The following CELF2 variants were observed in gnomAD, a reference collection of about 807,000 sequenced individuals.
CELF2 encodes CUG triplet repeat RNA-binding protein 2.
Under a neutral mutation model 62.6 loss-of-function variants are expected in CELF2, and 8 were observed. The ratio of observed to expected loss-of-function variants is 0.13; its 90% CI spans 0.07 to 0.23. The LOEUF (loss-of-function observed/expected upper bound fraction) is 0.23, where lower values mean the gene tolerates loss of function less well. Ranked by LOEUF, CELF2 falls within the 10% of genes least tolerant of loss-of-function variation. The pLI is 1.00. For missense variants in CELF2, 333 were observed against 671.0 expected, an observed-to-expected ratio of 0.50 and a Z score of 5.56; for synonymous variants, 258 against 250.0, an observed-to-expected ratio of 1.03 and a Z score of -0.30.
chr10:10,579,513 C>T, the CELF2 span, among the ~76,000 whole-genome samples: 1 of 152,000 alleles, frequency 6.6e-6, no homozygotes, highest in Admixed American at 6.6e-5. Flanking sequence ...TGACCTTAGA[C>T]CCCCGGGCTG....
chr10:11,211,807 AGAGAGAGTGTGTGTGTGTGTGTGTGT>A lies in CELF2; in HGVS notation c.272-5616_272-5591del, dbSNP rs1475521190. On this transcript the variant is annotated intron_variant, in intron 2 of 12. Coordinates refer to ENST00000633077, the MANE Select transcript of CELF2 (RefSeq NM_001326342.2). The surrounding 1 kb of genome is among the most constrained non-coding windows in gnomAD (Gnocchi z 4.8). ...GTATGTGTGTGAGAGAGAGAGAGAG[AGAGAGAGTGTGTGTGTGTGTGTGTGT>A]GTGTGTGTGTGTGTGTGTGTGTAAC... is the stretch of plus-strand genomic sequence containing the variant. 5.5e-3 allele frequency among the ~76,000 whole-genome samples: 662 copies of A among 120,744 alleles called. 8 individuals are homozygous for A. The highest frequency in any genetic ancestry group is 0.023 in the African/African-American group (644 of 28,158). 79.2% of individuals were successfully genotyped at this position (120,744 alleles called of 152,430 possible).
At position 11,181,867 on chromosome 10, in the gene CELF2, C is replaced by T. The variant is rs2073499601; in HGVS notation, c.271+16185C>T. Among the ~76,000 whole-genome samples, 3 of 152,184 alleles carry T rather than the reference C, an allele frequency of 2.0e-5. No individual in the cohort carries two copies. The South Asian group carries it at 6.2e-4, about 32-fold the overall frequency. On this transcript the variant is annotated intron_variant, in intron 2 of 12. Coordinates refer to ENST00000633077, the MANE Select transcript of CELF2 (RefSeq NM_001326342.2). ...AGATAAAGGGACATTATTTTCCCAC[C>T]AGCCTGTATCCTGCCTTGTTCTTCT...
the CELF2 span, among the ~76,000 whole-genome samples, chr10:10,708,472 C>A: frequency 6.6e-6 from 1 of 152,116 alleles, no homozygotes; most frequent in Admixed American, 6.5e-5. Flanking sequence ...AAGCAAAAAA[C>A]CAGCTTGGCA....
rs1002890146 is a variant in CELF2 at position 11,012,736 on chromosome 10, G to A, written c.53+7296G>A. ...CGTCGGGGTGGGGGCAGTGAGGGGT[G>A]GACTGGGAAGGAATGAAAACCTCAT... On this transcript the variant is annotated intron_variant, in intron 1 of 12. Transcript: ENST00000416382. The surrounding 1 kb of genome is among the most constrained non-coding windows in gnomAD (Gnocchi z 5.5). 6.6e-6 allele frequency among the ~76,000 whole-genome samples: 1 copy of A among 152,142 alleles called. No homozygotes were observed. Among genetic ancestry groups the A allele is most frequent in the African/African-American group, 2.4e-5 (1 of 41,420 alleles).
the CELF2 span, among the ~76,000 whole-genome samples, chr10:10,751,823 G>A: frequency 9.2e-5 from 14 of 152,110 alleles, no homozygotes; most frequent in Non-Finnish European, 1.8e-4. Flanking sequence ...TCCAATTTGC[G>A]AATGGAAATT....
At chr10:10,620,147 G>A in the CELF2 span, among the ~76,000 whole-genome samples, 6 of 152,318 alleles carry the variant, frequency 3.9e-5, no homozygotes, top group East Asian at 1.9e-4. Context: ...CCCACAGGCC[G>A]AATTTGGCCC....
chr10:10,646,454 C>A, the CELF2 span, among the ~76,000 whole-genome samples: 1 of 152,196 alleles, frequency 6.6e-6, no homozygotes, highest in Non-Finnish European at 1.5e-5. Context: ...GTTTTTTGCA[C>A]GTCGTTTCTC....
At chr10:11,301,128 T>C (rs1418800677) in intron 9 of CELF2, among the ~76,000 whole-genome samples, 3 of 152,186 alleles carry the variant, frequency 2.0e-5, no homozygotes, top group African/African-American at 7.2e-5. Context: ...AGGGGAAAAT[T>C]CATATGGGAA....
chr10:11,104,428 C>T (rs1365803720), intron 1 of CELF2, among the ~76,000 whole-genome samples: 4 of 152,206 alleles, frequency 2.6e-5, no homozygotes, highest in Non-Finnish European at 4.4e-5. Context: ...CAGTGGCTTA[C>T]ACCTGTGATC....
chr10:10,604,690 A>G, the CELF2 span, among the ~76,000 whole-genome samples: 1 of 148,684 alleles, frequency 6.7e-6, no homozygotes, highest in East Asian at 1.9e-4. Flanking sequence ...TCTCAATCAG[A>G]TAATGGGAAA....
the CELF2 span, among the ~76,000 whole-genome samples, chr10:10,504,366 A>G: frequency 5.9e-5 from 9 of 152,102 alleles, no homozygotes; most frequent in Non-Finnish European, 1.3e-4. Context: ...AGTTGTTTTC[A>G]GTATCTGAAA....
intron 3 of CELF2, among the ~76,000 whole-genome samples, chr10:11,236,048 A>G (rs949962702): frequency 3.3e-5 from 5 of 152,162 alleles, no homozygotes; most frequent in African/African-American, 1.2e-4. Flanking sequence ...TACATTTTTT[A>G]TGAGAGGTTG....
At chr10:10,618,113 G>C in the CELF2 span, among the ~76,000 whole-genome samples, 1 of 151,950 alleles carries the variant, frequency 6.6e-6, no homozygotes, top group East Asian at 1.9e-4. Context: ...CTGGATTGCC[G>C]ACACAGACAG....
chr10:11,049,383 G>T (rs761784452), intron 1 of CELF2, among the ~76,000 whole-genome samples: 29 of 151,694 alleles, frequency 1.9e-4, no homozygotes, highest in Non-Finnish European at 3.7e-4. Flanking sequence ...GTATTCTAAT[G>T]TCAACAGGAT....
At chr10:10,577,628 C>A in the CELF2 span, among the ~76,000 whole-genome samples, 1 of 150,964 alleles carries the variant, frequency 6.6e-6, no homozygotes, top group Non-Finnish European at 1.5e-5. Context: ...TTTGTCCTTG[C>A]GATAGTTTGC....
At chr10:10,786,257 C>T in the CELF2 span, among the ~76,000 whole-genome samples, 4 of 152,100 alleles carry the variant, frequency 2.6e-5, no homozygotes, top group African/African-American at 4.8e-5. Context: ...CATGCCTCAT[C>T]GTGCTTCTGT....
chr10:10,526,201 C>A, the CELF2 span, among the ~76,000 whole-genome samples: 1 of 152,184 alleles, frequency 6.6e-6, no homozygotes. Context: ...AGTATCTATG[C>A]TTTTCTGCTC....
At chr10:10,572,583 C>T in the CELF2 span, among the ~76,000 whole-genome samples, 1 of 151,928 alleles carries the variant, frequency 6.6e-6, no homozygotes, top group African/African-American at 2.4e-5. Context: ...GTTCAGCTCC[C>T]ACTTATAAGT....
chr10:10,696,268 G>C, the CELF2 span, among the ~76,000 whole-genome samples: 1 of 151,944 alleles, frequency 6.6e-6, no homozygotes, highest in Non-Finnish European at 1.5e-5. Flanking sequence ...TGCCGTGTGA[G>C]GTGTCAGTGT....
Sources: allele counts gnomAD v4.1 joint callset (sites outside exome capture counted in the v4.1 genomes callset), GRCh38; gene constraint gnomAD v4.1.1; non-coding constraint Gnocchi (gnomAD v3.1); transcripts MANE v1.5; gene names NCBI Gene and HGNC (gene_info 2026-07-23, HGNC 2026-07-21).